The following SLC36A1 variants were observed in gnomAD, a reference collection of about 807,000 sequenced individuals.
SLC36A1 encodes proton-coupled amino acid transporter 1.
In SLC36A1, 30 loss-of-function variants were observed where a neutral mutation model predicts 47.5. That is an observed-to-expected ratio of 0.63 (90% confidence interval 0.47 to 0.86). SLC36A1 has a LOEUF of 0.86. Among genes scored for constraint, SLC36A1 ranks in the 40% least tolerant of loss-of-function variants. SLC36A1 has a pLI of 0.00. For missense variants in SLC36A1, 517 were observed against 606.0 expected (o/e 0.85, Z 1.54); for synonymous variants, 255 against 249.7 (o/e 1.02, Z -0.20).
At chr5:151,451,171 T>C (rs1261401499) in intron 1 of SLC36A1, 1 of 151,820 alleles carries the variant, frequency 6.6e-6, no homozygotes, top group African/African-American at 2.4e-5. Flanking sequence ...CTTGGAAGCC[T>C]TGACACCCAG....
At chr5:151,540,647 A>T in the SLC36A1 span, 1 of 1,614,194 alleles carries the variant, frequency 6.2e-7, no homozygotes, top group Non-Finnish European at 8.5e-7. Context: ...TTGCCATCAG[A>T]TGCTGTGACT....
intron 9 of SLC36A1, among the ~76,000 whole-genome samples, chr5:151,478,452 G>A (rs1186767110): frequency 2.0e-5 from 3 of 152,212 alleles, no homozygotes; most frequent in Non-Finnish European, 1.5e-5. Flanking sequence ...TGAAGCAGTA[G>A]TAGGAAGAGA....
At chr5:151,424,443 TC>T in the SLC36A1 span, among the ~76,000 whole-genome samples, 1 of 152,114 alleles carries the variant, frequency 6.6e-6, no homozygotes, top group African/African-American at 2.4e-5. Context: ...AAGATGGACT[TC>T]CAAGTCAAAA....
chr5:151,534,475 C>G, the SLC36A1 span: 1 of 1,614,008 alleles, frequency 6.2e-7, no homozygotes, highest in Non-Finnish European at 8.5e-7. Flanking sequence ...TCGAAGACAG[C>G]CACAGCACAG....
At chr5:151,474,776 T>G (rs1030287721) in intron 8 of SLC36A1, among the ~76,000 whole-genome samples, 1 of 152,228 alleles carries the variant, frequency 6.6e-6, no homozygotes, top group African/African-American at 2.4e-5. Flanking sequence ...TTTATTTGTA[T>G]TTTTCATAAT....
At chr5:151,444,447 T>G (rs900089886), upstream of SLC36A1, among the ~76,000 whole-genome samples, 2 of 152,240 alleles carry the variant, frequency 1.3e-5, no homozygotes, top group Non-Finnish European at 2.9e-5. Flanking sequence ...TTCTCTTTAT[T>G]TCTTTTTTAG....
chr5:151,484,476 T>C (rs1256380542), intron 10 of SLC36A1, among the ~76,000 whole-genome samples: 1 of 152,200 alleles, frequency 6.6e-6, no homozygotes, highest in Non-Finnish European at 1.5e-5. Context: ...TGCTTCCCAG[T>C]TGTCAGTGAG....
chr5:151,359,145 A>T, the SLC36A1 span, among the ~76,000 whole-genome samples: 1 of 152,204 alleles, frequency 6.6e-6, no homozygotes, highest in Non-Finnish European at 1.5e-5. Flanking sequence ...AAACAGACAT[A>T]TTGGCCCAAT....
the SLC36A1 span, chr5:151,551,529 T>C: frequency 6.2e-7 from 1 of 1,614,190 alleles, no homozygotes; most frequent in Non-Finnish European, 8.5e-7. Context: ...TTCGACCTTC[T>C]CCTGGTATCA....
At chr5:151,400,530 G>C in the SLC36A1 span, among the ~76,000 whole-genome samples, 1 of 152,112 alleles carries the variant, frequency 6.6e-6, no homozygotes, top group African/African-American at 2.4e-5. Flanking sequence ...CCAGTAGTGG[G>C]ATTGCTGACT....
At chr5:151,518,155 A>C in the SLC36A1 span, among the ~76,000 whole-genome samples, 1 of 151,966 alleles carries the variant, frequency 6.6e-6, no homozygotes, top group South Asian at 2.1e-4. Context: ...ACAGAGCAAG[A>C]CCTCATCTCT....
the SLC36A1 span, among the ~76,000 whole-genome samples, chr5:151,389,638 A>G: frequency 4.2e-5 from 6 of 142,592 alleles, no homozygotes; most frequent in African/African-American, 1.3e-4. Context: ...AATTCCCACC[A>G]TTGAGTGAGA....
Position 151,488,286 on chromosome 5 carries a change from C to T in SLC36A1, c.*32C>T. ...GGGTTCGTCTCTGCAGCTGCCTACC[C>T]CTGCCCCATGTGTCCCCCGTTACCT... On this transcript the variant is annotated 3_prime_UTR_variant, in exon 11 of 11. Transcript: ENST00000243389. 1.9e-6 allele frequency: 3 copies of T among 1,606,412 alleles called. No individual in the cohort carries two copies. The highest frequency in any genetic ancestry group is 2.6e-6 in the Non-Finnish European group (3 of 1,175,430).
the SLC36A1 span, chr5:151,545,939 T>C: frequency 6.2e-7 from 1 of 1,614,094 alleles, no homozygotes; most frequent in East Asian, 2.2e-5. Context: ...CTGCCTCGGA[T>C]TTTCAGCTGG....
intron 6 of SLC36A1, 35 bp downstream of exon 6, chr5:151,467,318 AAACC>A: frequency 3.8e-6 from 5 of 1,330,248 alleles, no homozygotes; most frequent in Non-Finnish European, 5.2e-6. Flanking sequence ...AAAAAAAAAA[AAACC>A]AGAGCGAGAA....
At chr5:151,457,092 AC>A (rs1444946504) in intron 1 of SLC36A1, among the ~76,000 whole-genome samples, 1 of 151,908 alleles carries the variant, frequency 6.6e-6, no homozygotes, top group Admixed American at 6.6e-5. Context: ...ATATTAATGT[AC>A]CCTTTTTTTG....
chr5:151,519,991 T>C, the SLC36A1 span, among the ~76,000 whole-genome samples: 1 of 152,242 alleles, frequency 6.6e-6, no homozygotes, highest in East Asian at 1.9e-4. Flanking sequence ...TGCTGTCTGA[T>C]GCCAGGTGGC....
the SLC36A1 span, chr5:151,366,439 A>G: frequency 9.4e-6 from 2 of 213,164 alleles, no homozygotes; most frequent in Non-Finnish European, 1.0e-5. Context: ...TTGAGGCTGG[A>G]TCAGCTCATG....
the SLC36A1 span, among the ~76,000 whole-genome samples, chr5:151,403,014 G>A: frequency 3.9e-4 from 59 of 151,956 alleles, no homozygotes; most frequent in African/African-American, 1.2e-4. Flanking sequence ...ATTTAGTTCC[G>A]CTCTGATTTT....
Sources: gnomAD v4.1 joint callset for allele counts (sites outside exome capture counted in the v4.1 genomes callset) on GRCh38, gnomAD v4.1.1 for gene constraint, MANE v1.5 for transcripts, NCBI Gene and HGNC (gene_info 2026-07-23, HGNC 2026-07-21) for gene names.